The following ARB2A variants were observed in gnomAD, a reference collection of about 807,000 sequenced individuals.
The protein encoded by ARB2A is cotranscriptional regulator ARB2A.
At chr5:94,020,909 T>C in the ARB2A span, among the ~76,000 whole-genome samples, 2 of 152,088 alleles carry the variant, frequency 1.3e-5, no homozygotes, top group Non-Finnish European at 2.9e-5. Context: ...TTTCCAGATG[T>C]AGCAACATAG....
chr5:93,780,587 T>G, the ARB2A span, among the ~76,000 whole-genome samples: 3 of 150,698 alleles, frequency 2.0e-5, no homozygotes, highest in Non-Finnish European at 4.4e-5. Flanking sequence ...CTTTTGGAGC[T>G]TCTGCTCTGT....
chr5:93,739,591 T>C, the ARB2A span: 1 of 152,142 alleles, frequency 6.6e-6, no homozygotes, highest in African/African-American at 2.4e-5. Context: ...AGGTACTAAA[T>C]GGTTTCCATT....
At chr5:93,695,511 C>T in the ARB2A span, among the ~76,000 whole-genome samples, 4 of 152,090 alleles carry the variant, frequency 2.6e-5, no homozygotes, top group East Asian at 3.9e-4. Context: ...GTTAGAATGG[C>T]GATCATTAAA....
At chr5:93,836,322 A>C in the ARB2A span, among the ~76,000 whole-genome samples, 1 of 152,230 alleles carries the variant, frequency 6.6e-6, no homozygotes, top group South Asian at 2.1e-4. Context: ...CCACCACGCC[A>C]GGCCTAAAGA....
At chr5:93,767,732 C>T in the ARB2A span, among the ~76,000 whole-genome samples, 1 of 151,898 alleles carries the variant, frequency 6.6e-6, no homozygotes, top group Admixed American at 6.6e-5. Context: ...CGTTGGCTCA[C>T]GTCTGTAATC....
At chr5:94,018,087 A>T in the ARB2A span, among the ~76,000 whole-genome samples, 1 of 152,160 alleles carries the variant, frequency 6.6e-6, no homozygotes, top group Admixed American at 6.5e-5. Flanking sequence ...ATGAAACTGT[A>T]AGTCCAATTA....
At chr5:93,645,190 C>G in the ARB2A span, among the ~76,000 whole-genome samples, 3 of 152,128 alleles carry the variant, frequency 2.0e-5, no homozygotes, top group African/African-American at 7.2e-5. Flanking sequence ...CATATCTTTC[C>G]TGACATGAAA....
the ARB2A span, among the ~76,000 whole-genome samples, chr5:93,957,787 CT>C: frequency 1.3e-5 from 2 of 152,110 alleles, no homozygotes; most frequent in Non-Finnish European, 2.9e-5. Flanking sequence ...TTACCTTTGA[CT>C]TTTGTAATCA....
chr5:94,099,516 C>T, the ARB2A span, among the ~76,000 whole-genome samples: 851 of 145,852 alleles, frequency 5.8e-3, 7 homozygotes, highest in Non-Finnish European at 6.9e-3. Flanking sequence ...CCCAGCTACT[C>T]GGGATGCTGA....
the ARB2A span, chr5:93,734,596 T>C: frequency 6.6e-6 from 1 of 152,166 alleles, no homozygotes; most frequent in Non-Finnish European, 1.5e-5. Flanking sequence ...ACCAAAATGT[T>C]TGATAATGAA....
chr5:93,844,516 T>C, the ARB2A span, among the ~76,000 whole-genome samples: 2 of 152,164 alleles, frequency 1.3e-5, no homozygotes, highest in African/African-American at 2.4e-5. Context: ...TCATAAAATA[T>C]AAATGTAACA....
chr5:93,900,511 T>A, the ARB2A span, among the ~76,000 whole-genome samples: 1 of 150,810 alleles, frequency 6.6e-6, no homozygotes, highest in Non-Finnish European at 1.5e-5. Context: ...CTCAGGAGGC[T>A]GAGGCTTAAA....
chr5:93,898,879 T>C, the ARB2A span, among the ~76,000 whole-genome samples: 1 of 152,074 alleles, frequency 6.6e-6, no homozygotes, highest in African/African-American at 2.4e-5. Context: ...TTCACATGTA[T>C]CATCTCACTT....
At chr5:93,809,559 A>T in the ARB2A span, among the ~76,000 whole-genome samples, 1 of 151,958 alleles carries the variant, frequency 6.6e-6, no homozygotes, top group Non-Finnish European at 1.5e-5. Context: ...ATCCTCTTAG[A>T]CTCAAAGCTT....
At chr5:93,776,106 A>AT in the ARB2A span, 2 of 1,375,014 alleles carry the variant, frequency 1.5e-6, no homozygotes, top group Non-Finnish European at 1.0e-6. Flanking sequence ...TCATTAGCAT[A>AT]TTTTTCACCC....
At chr5:93,900,428 C>T in the ARB2A span, among the ~76,000 whole-genome samples, 2 of 151,620 alleles carry the variant, frequency 1.3e-5, no homozygotes, top group African/African-American at 2.4e-5. Flanking sequence ...CTGACCAACA[C>T]GGTGAAACCC....
At chr5:93,934,396 T>C in the ARB2A span, among the ~76,000 whole-genome samples, 7 of 152,332 alleles carry the variant, frequency 4.6e-5, no homozygotes, top group African/African-American at 1.7e-4. Context: ...GGTAGTTGCT[T>C]ACACAACAAC....
the ARB2A span, among the ~76,000 whole-genome samples, chr5:93,789,529 T>C: frequency 6.6e-6 from 1 of 152,246 alleles, no homozygotes; most frequent in Non-Finnish European, 1.5e-5. Flanking sequence ...ATAATTGCAT[T>C]CAGTGCTTCT....
the ARB2A span, among the ~76,000 whole-genome samples, chr5:93,753,607 A>G: frequency 4.5e-4 from 68 of 152,352 alleles, 1 homozygote; most frequent in East Asian, 9.5e-3. Context: ...TTCTTAACCC[A>G]GAAGACATCT....
Sources: allele counts gnomAD v4.1 joint callset (sites outside exome capture counted in the v4.1 genomes callset), GRCh38; gene constraint gnomAD v4.1.1; transcripts MANE v1.5; gene names NCBI Gene and HGNC (gene_info 2026-07-23, HGNC 2026-07-21).